The following ANTXR2 variants were observed in gnomAD, a reference collection of about 807,000 sequenced individuals.
ANTXR2 encodes anthrax toxin receptor 2.
A neutral mutation model predicts 73.7 loss-of-function variants in ANTXR2; 44 were observed. That is an observed-to-expected ratio of 0.60 (90% CI 0.47 to 0.77). ANTXR2 has a LOEUF of 0.77. Ranked by LOEUF, ANTXR2 falls within the 30% of genes least tolerant of loss-of-function variation. The probability of loss-of-function intolerance (pLI) is 0.00; values close to 1 mark genes in which losing one functional copy is unlikely to be tolerated. For synonymous variants in ANTXR2, 217 were observed against 205.9 expected (o/e 1.05, Z -0.46); for missense variants, 604 against 592.5 (o/e 1.02, Z -0.20).
At chr4:79,919,865 TTATATATATATATATATATA>T (rs869257072) in intron 16 of ANTXR2, among the ~76,000 whole-genome samples, 6 of 17,858 alleles carry the variant, frequency 3.4e-4, no homozygotes, top group African/African-American at 4.3e-4. Flanking sequence ...AATACATATT[TTATATATATATATATATATA>T]TATATATATA....
intron 7 of ANTXR2, among the ~76,000 whole-genome samples, chr4:80,039,245 G>A (rs1321186133): frequency 1.3e-5 from 2 of 152,058 alleles, no homozygotes. Flanking sequence ...AGAGTAAGAA[G>A]AGAATTTATG....
chr4:80,026,152 G>A (rs185920553), intron 10 of ANTXR2, among the ~76,000 whole-genome samples: 182 of 152,206 alleles, frequency 1.2e-3, no homozygotes, highest in African/African-American at 4.1e-3. Flanking sequence ...TAATCCCCCC[G>A]TGTAAAGGGA....
intron 10 of ANTXR2, among the ~76,000 whole-genome samples, chr4:80,020,181 C>T (rs919151861): frequency 6.6e-5 from 10 of 152,104 alleles, no homozygotes; most frequent in Admixed American, 6.5e-4. Context: ...AGTTTGAGAC[C>T]AGCCCCGGCA....
chr4:80,035,887 T>C (rs901545872), intron 8 of ANTXR2, 85 bp downstream of exon 8: 15 of 1,169,344 alleles, frequency 1.3e-5, no homozygotes, highest in Non-Finnish European at 1.8e-5. Context: ...GCTATTCTTT[T>C]TCCAACATGA....
rs530258613 is a variant in ANTXR2 at position 79,999,979 on chromosome 4, A to G, written c.1041+8542T>C. ...GATACATGTGATTGCTACTGGTGAC[A>G]GTTTTCACAACTGCTAATATTTTTG... On this transcript the variant is annotated intron_variant, in intron 12 of 16. Transcript: ENST00000403729. Among the ~76,000 whole-genome samples the G allele has an allele frequency of 6.6e-5, 10 of 152,198 alleles. No homozygotes were observed. In the South Asian group the frequency reaches 1.7e-3, roughly 25 times the overall value.
At chr4:79,984,768 T>G in intron 13 of ANTXR2, 51 bp downstream of exon 13, 1 of 1,497,658 alleles carries the variant, frequency 6.7e-7, no homozygotes, top group Non-Finnish European at 9.2e-7. Flanking sequence ...GCATGGTATC[T>G]GCATTTGGAA....
intron 16 of ANTXR2, among the ~76,000 whole-genome samples, chr4:79,974,567 A>C (rs1366411567): frequency 6.6e-6 from 1 of 152,034 alleles, no homozygotes; most frequent in Non-Finnish European, 1.5e-5. Context: ...ATTTGGAAGC[A>C]ACAAGTTTTA....
chr4:80,017,364 C>T (rs2110067201), intron 11 of ANTXR2, among the ~76,000 whole-genome samples: 1 of 152,324 alleles, frequency 6.6e-6, no homozygotes, highest in East Asian at 1.9e-4. Context: ...AGCCTTCCTT[C>T]TTACGGAGAA....
At chr4:80,003,641 T>C (rs1474023857) in intron 12 of ANTXR2, among the ~76,000 whole-genome samples, 1 of 152,012 alleles carries the variant, frequency 6.6e-6, no homozygotes, top group Non-Finnish European at 1.5e-5. Context: ...AAGCAAATAA[T>C]GGCAGATAAG....
At chr4:80,071,434 C>G in intron 2 of ANTXR2, 149 bp downstream of exon 2, 2 of 697,690 alleles carry the variant, frequency 2.9e-6, no homozygotes, top group Non-Finnish European at 5.1e-6. Flanking sequence ...GAAGGGCTGT[C>G]CTAATAACAG....
At chr4:80,010,823 A>G (rs1731537057) in intron 11 of ANTXR2, among the ~76,000 whole-genome samples, 1 of 152,110 alleles carries the variant, frequency 6.6e-6, no homozygotes, top group African/African-American at 2.4e-5. Flanking sequence ...CAATATTATC[A>G]TATCGACTGA....
intron 7 of ANTXR2, among the ~76,000 whole-genome samples, chr4:80,047,506 C>A (rs1426252788): frequency 6.6e-6 from 1 of 151,650 alleles, no homozygotes; most frequent in Non-Finnish European, 1.5e-5. Context: ...ATTTGGGAAA[C>A]TCTTTTCCAC....
At chr4:79,995,824 C>A (rs536753036) in intron 12 of ANTXR2, among the ~76,000 whole-genome samples, 1 of 151,822 alleles carries the variant, frequency 6.6e-6, no homozygotes, top group Admixed American at 6.6e-5. Flanking sequence ...ATAATGAAAA[C>A]GAAGCCCTCA....
intron 16 of ANTXR2, among the ~76,000 whole-genome samples, chr4:79,917,951 C>G (rs1042351038): frequency 8.6e-5 from 13 of 150,342 alleles, no homozygotes; most frequent in African/African-American, 3.0e-4. Context: ...AATAAAAGAT[C>G]TGGCAAAAAA....
At chr4:80,045,294 T>A (rs1733467724) in intron 7 of ANTXR2, among the ~76,000 whole-genome samples, 1 of 151,806 alleles carries the variant, frequency 6.6e-6, no homozygotes. Flanking sequence ...CTCTAAATAA[T>A]AAGGCTTTTT....
intron 12 of ANTXR2, 90 bp from the exon 13 acceptor site, chr4:79,984,953 T>C (rs967104175): frequency 6.6e-6 from 7 of 1,061,036 alleles, no homozygotes; most frequent in Non-Finnish European, 9.7e-6. Flanking sequence ...TAAAATACTG[T>C]GGTAGCTCCA....
At chr4:79,972,923 A>T (rs1349408892) in intron 16 of ANTXR2, among the ~76,000 whole-genome samples, 1 of 16,282 alleles carries the variant, frequency 6.1e-5, no homozygotes, top group Non-Finnish European at 3.0e-4. Flanking sequence ...AGTATAATAA[A>T]AAAAAAAAAA....
intron 16 of ANTXR2, among the ~76,000 whole-genome samples, chr4:79,950,123 A>C (rs761443646): frequency 8.1e-6 from 1 of 123,988 alleles, no homozygotes; most frequent in Non-Finnish European, 1.7e-5. Context: ...TTTAAATTAA[A>C]TAGTCATCCT....
intron 16 of ANTXR2, among the ~76,000 whole-genome samples, chr4:79,953,463 TA>T (rs1402899483): frequency 2.0e-5 from 3 of 152,130 alleles, no homozygotes; most frequent in Non-Finnish European, 4.4e-5. Context: ...GAGGGAATTA[TA>T]AATAATAAAT....
Sources: allele counts gnomAD v4.1 joint callset (sites outside exome capture counted in the v4.1 genomes callset), GRCh38; gene constraint gnomAD v4.1.1; transcripts MANE v1.5; gene names NCBI Gene and HGNC (gene_info 2026-07-23, HGNC 2026-07-21).